Variants in ZNF565 observed in about 807,000 individuals in gnomAD.
ZNF565 encodes the protein zinc finger protein 565.
A neutral mutation model predicts 39.4 loss-of-function variants in ZNF565; 27 were observed. The observed-to-expected ratio is 0.69, with a 90% CI of 0.51 to 0.95. The LOEUF (loss-of-function observed/expected upper bound fraction) is 0.95, where lower values mean the gene tolerates loss of function less well. ZNF565 is among the 40% of genes least tolerant of loss of function. ZNF565 has a pLI of 0.00. For synonymous variants in ZNF565, 185 were observed against 216.6 expected, an observed-to-expected ratio of 0.85 and a Z score of 1.28; for missense variants, 524 against 621.1, an observed-to-expected ratio of 0.84 and a Z score of 1.66.
intron 2 of ZNF565, 116 bp downstream of exon 2, chr19:36,201,861 C>G: frequency 7.9e-7 from 1 of 1,268,112 alleles, no homozygotes; most frequent in Non-Finnish European, 1.1e-6. Flanking sequence ...TACTCATCTC[C>G]TGGAATGGAC....
At chr19:36,221,936 T>A (rs962552175) in intron 1 of ZNF565, among the ~76,000 whole-genome samples, 3 of 128,758 alleles carry the variant, frequency 2.3e-5, no homozygotes, top group African/African-American at 8.2e-5. Context: ...TCTTTTTTTT[T>A]TTTTTTTTTT....
intron 4 of ZNF565, among the ~76,000 whole-genome samples, chr19:36,189,747 T>C (rs1333103018): frequency 1.3e-5 from 2 of 152,212 alleles, no homozygotes; most frequent in African/African-American, 4.8e-5. Context: ...AAGAACACTT[T>C]TATGGAATCA....
intron 2 of ZNF565, among the ~76,000 whole-genome samples, chr19:36,197,894 T>A (rs1365766735): frequency 2.6e-5 from 4 of 152,054 alleles, no homozygotes; most frequent in East Asian, 3.9e-4. Flanking sequence ...ACGCCTGTAA[T>A]CTCAGCACTT....
chr19:36,205,002 G>T (rs1339825875), intron 1 of ZNF565, among the ~76,000 whole-genome samples: 1 of 151,652 alleles, frequency 6.6e-6, no homozygotes, highest in African/African-American at 2.4e-5. Flanking sequence ...AAACAGAAAA[G>T]AAAATGAAGA....
intron 4 of ZNF565, among the ~76,000 whole-genome samples, chr19:36,186,184 A>G (rs1975292312): frequency 1.3e-5 from 2 of 151,990 alleles, no homozygotes; most frequent in Admixed American, 1.3e-4. Flanking sequence ...TTTATTAGAG[A>G]CAAGGTTTCA....
At chr19:36,196,090 C>T (rs1975751726) in intron 2 of ZNF565, among the ~76,000 whole-genome samples, 1 of 151,956 alleles carries the variant, frequency 6.6e-6, no homozygotes, top group Admixed American at 6.6e-5. Flanking sequence ...GTGTGCGCCG[C>T]CACACTTGGC....
chr19:36,221,616 G>T (rs1976842274), intron 1 of ZNF565, among the ~76,000 whole-genome samples: 1 of 152,012 alleles, frequency 6.6e-6, no homozygotes, highest in African/African-American at 2.4e-5. Flanking sequence ...AAATGAATTT[G>T]ATTACTATTG....
chr19:36,189,407 C>T lies in ZNF565; in HGVS notation c.232+4826G>A, dbSNP rs528566600. On this transcript the variant is annotated intron_variant, in intron 4 of 4. Transcript: ENST00000304116. ...TTGGCTCACTGCAACCTCCGCCTCC[C>T]GGGTTCAAACAATTTTCCTGCCTCA... is the stretch of plus-strand genomic sequence containing the variant. 5.3e-5 allele frequency among the ~76,000 whole-genome samples: 8 copies of T among 151,888 alleles called. No individual in the cohort carries two copies. In the South Asian group the frequency reaches 1.2e-3, roughly 24 times the overall value.
chr19:36,194,907 TGTAGC>T, intron 3 of ZNF565, 118 bp downstream of exon 3: 1 of 1,465,362 alleles, frequency 6.8e-7, no homozygotes, highest in South Asian at 1.2e-5. Context: ...GGCTGTAGTT[TGTAGC>T]GTCTCCTGTG....
chr19:36,237,827 A>C (rs1977700874), intron 1 of ZNF565: 1 of 166,952 alleles, frequency 6.0e-6, no homozygotes, highest in Admixed American at 6.6e-5. Context: ...TAATGGAACT[A>C]TTTTTTTTAA....
chr19:36,186,830 C>G (rs1975318072), intron 4 of ZNF565, among the ~76,000 whole-genome samples: 2 of 151,920 alleles, frequency 1.3e-5, no homozygotes, highest in African/African-American at 4.8e-5. Context: ...GGATAAAATA[C>G]CAAAATCTAG....
At chr19:36,228,388 G>T (rs932392583) in intron 1 of ZNF565, 1 of 152,178 alleles carries the variant, frequency 6.6e-6, no homozygotes, top group Admixed American at 6.5e-5. Context: ...ACCCTGAGTG[G>T]GAGTGTGGTG....
rs1568407136 is a variant in ZNF565 at position 36,182,630 on chromosome 19, G to T, written c.1336C>A (p.Pro446Thr). 1 of 1,614,134 alleles carries T rather than the reference G, an allele frequency of 6.2e-7. No individual in the cohort carries two copies. Among genetic ancestry groups the T allele is most frequent in the East Asian group, 2.2e-5 (1 of 44,890 alleles). ...ATTCCACACTCCCTGCATTCATAGGGTTTCTCACAAGTGTGAATTCGCTGA... is the reference window on the plus strand; with the variant it reads ...ATTCCACACTCCCTGCATTCATAGGTTTTCTCACAAGTGTGAATTCGCTGA... Reference protein sequence around the residue: ...HHQRIHTCEKPYECRECGMAF... With the variant: ...HHQRIHTCEKTYECRECGMAF... Residue 446 changes from proline (P) to threonine (T), a missense_variant, in exon 5 of 5, where the codon CCC becomes ACC. By Grantham distance (38) the Pro-to-Thr change is conservative (BLOSUM62 -1). Transcript: ENST00000304116.
At chr19:36,204,987 C>CAA (rs371257407) in intron 1 of ZNF565, among the ~76,000 whole-genome samples, 2 of 151,588 alleles carry the variant, frequency 1.3e-5, no homozygotes, top group African/African-American at 4.8e-5. Context: ...GATTCTGTCT[C>CAA]AAAAAAACAG....
chr19:36,200,972 T>C (rs1975942260), intron 2 of ZNF565, among the ~76,000 whole-genome samples: 1 of 152,078 alleles, frequency 6.6e-6, no homozygotes, highest in African/African-American at 2.4e-5. Context: ...TATATATATT[T>C]GACGGTATTA....
chr19:36,200,056 C>T (rs1267882700), intron 2 of ZNF565, among the ~76,000 whole-genome samples: 3 of 151,470 alleles, frequency 2.0e-5, no homozygotes, highest in Non-Finnish European at 4.4e-5. Flanking sequence ...GACAGAGTCT[C>T]ATTCTATCAG....
At chr19:36,198,397 A>G (rs1975840353) in intron 2 of ZNF565, among the ~76,000 whole-genome samples, 3 of 152,188 alleles carry the variant, frequency 2.0e-5, no homozygotes, top group Admixed American at 6.6e-5. Context: ...GACAAACTGC[A>G]TGTTCTCACT....
Position 36,194,271 on chromosome 19 carries a change from C to CA in ZNF565, c.193dup (p.Trp65LeufsTer6), listed in dbSNP as rs747708035. 6.2e-7 allele frequency: 1 copy of CA among 1,612,944 alleles called. No homozygotes were observed. The highest frequency in any genetic ancestry group is 1.3e-5 in the African/African-American group (1 of 74,994). On this transcript the variant is annotated frameshift_variant, in exon 4 of 5. Coordinates refer to ENST00000304116, the MANE Select transcript of ZNF565 (RefSeq NM_152477.5). LOFTEE classifies it low-confidence loss of function (END_TRUNC). ...TCCTGTCACATCATTTGCAATCATCCAGGGCTCTTTCCCTTGCTCCAATAA... is the reference window on the plus strand; with the variant it reads ...TCCTGTCACATCATTTGCAATCATCCAAGGGCTCTTTCCCTTGCTCCAATAA...
intron 4 of ZNF565, among the ~76,000 whole-genome samples, chr19:36,186,337 C>T (rs948966947): frequency 3.9e-5 from 6 of 152,142 alleles, no homozygotes; most frequent in African/African-American, 1.2e-4. Context: ...GCCTGACAGC[C>T]CTAAACACAC....
Sources: gnomAD v4.1 joint callset for allele counts (sites outside exome capture counted in the v4.1 genomes callset) on GRCh38, gnomAD v4.1.1 for gene constraint, MANE v1.5 for transcripts, NCBI Gene and HGNC (gene_info 2026-07-23, HGNC 2026-07-21) for gene names.